The following EFR3B variants were observed in gnomAD, a reference collection of about 807,000 sequenced individuals.
The protein encoded by EFR3B is protein EFR3 homolog B.
Under a neutral mutation model 104.7 loss-of-function variants are expected in EFR3B, and 64 were observed. That is an observed-to-expected ratio of 0.61 (90% CI 0.50 to 0.75). EFR3B has a LOEUF of 0.75. Among genes scored for constraint, EFR3B ranks in the 30% least tolerant of loss-of-function variants. The probability of loss-of-function intolerance (pLI) is 0.00; values close to 1 mark genes in which losing one functional copy is unlikely to be tolerated. For synonymous variants in EFR3B, 385 were observed against 417.9 expected (o/e 0.92, Z 0.96); for missense variants, 750 against 1,078.5 (o/e 0.70, Z 4.27).
Position 25,048,631 on chromosome 2 carries a change from C to T in EFR3B, c.7+6312C>T, listed in dbSNP as rs550040580. On this transcript the variant is annotated intron_variant, in intron 1 of 22. Transcript: ENST00000403714. ...CCAGGTGCCGAGGGCACGAGCTGTT[C>T]CAGTATAATACAATATATAAAATAA... Among the ~76,000 whole-genome samples the T allele has an allele frequency of 1.0e-3, 156 of 151,972 alleles. 1 individual carries two copies. The highest frequency in any genetic ancestry group is 3.7e-3 in the African/African-American group (153 of 41,422).
At chr2:25,060,958 C>CA (rs1234560703) in intron 1 of EFR3B, among the ~76,000 whole-genome samples, 17 of 138,386 alleles carry the variant, frequency 1.2e-4, no homozygotes, top group Non-Finnish European at 1.6e-4. Context: ...CAACAAAAAC[C>CA]AAAAAACTAG....
intron 1 of EFR3B, among the ~76,000 whole-genome samples, chr2:25,062,371 G>T (rs190767030): frequency 6.6e-6 from 1 of 152,344 alleles, no homozygotes; most frequent in African/African-American, 2.4e-5. Flanking sequence ...TTACACAAGT[G>T]TAAAAGCAGT....
At chr2:25,127,627 TG>T (rs1453992961) in intron 5 of EFR3B, among the ~76,000 whole-genome samples, 1 of 152,180 alleles carries the variant, frequency 6.6e-6, no homozygotes, top group Non-Finnish European at 1.5e-5. Context: ...CCCACAGAGC[TG>T]TGCTGACCCT....
At chr2:25,082,774 C>T (rs488105) in intron 1 of EFR3B, among the ~76,000 whole-genome samples, 5 of 152,210 alleles carry the variant, frequency 3.3e-5, no homozygotes, top group African/African-American at 1.2e-4. Context: ...AGCTTACCTT[C>T]GAGTGGGGAG....
chr2:25,106,883 C>A (rs1243213287), intron 4 of EFR3B, among the ~76,000 whole-genome samples: 4 of 152,142 alleles, frequency 2.6e-5, no homozygotes, highest in African/African-American at 9.7e-5. Context: ...CACGCCCGGT[C>A]CTTTCCATTG....
chr2:25,126,548 C>T (rs1043117710), intron 5 of EFR3B, among the ~76,000 whole-genome samples: 4 of 151,974 alleles, frequency 2.6e-5, no homozygotes, highest in African/African-American at 4.8e-5. Flanking sequence ...TTAGTAGAGA[C>T]GGGGTTTCAC....
chr2:25,046,039 C>T (rs143449477), intron 1 of EFR3B, among the ~76,000 whole-genome samples: 2 of 152,262 alleles, frequency 1.3e-5, no homozygotes, highest in African/African-American at 2.4e-5. Context: ...CCTCTCGTCC[C>T]GCTTAGTGGT....
intron 3 of EFR3B, among the ~76,000 whole-genome samples, chr2:25,094,598 T>G (rs1016210988): frequency 1.3e-5 from 2 of 152,162 alleles, no homozygotes; most frequent in African/African-American, 4.8e-5. Flanking sequence ...ATTTCCAGTA[T>G]TAACCAATAG....
chr2:25,143,998 T>G (rs1670749184), intron 18 of EFR3B, 136 bp downstream of exon 18: 7 of 1,263,264 alleles, frequency 5.5e-6, no homozygotes, highest in Non-Finnish European at 7.4e-6. Flanking sequence ...AAAGACACAG[T>G]GGAAATTTAT....
In EFR3B at chr2:25,137,502, G is replaced by A. The variant is rs1219213885; in HGVS notation, c.1722G>A (p.Gln574=). The A allele has an allele frequency of 6.4e-7, 1 of 1,551,624 alleles. No homozygotes were observed. The highest frequency in any genetic ancestry group is 1.4e-5 in the African/African-American group (1 of 73,040). ...TCATCCGTCTGGTGCTGGCTGTTCA[G>A]GTGGGGCCTGGTGTGCGCAGGGCAT... ...VDLIRLVLAV[Q]DVAQVNEENL... The change falls in exon 15 of 23, where the codon CAG becomes CAA. Residue 574 remains glutamine, a splice_region_variant and synonymous_variant. Transcript: ENST00000403714. This position sits in a 1 kb window ranked among gnomAD's most constrained non-coding sequence, Gnocchi z 4.7.
intron 1 of EFR3B, among the ~76,000 whole-genome samples, chr2:25,049,290 C>T (rs1325340541): frequency 1.3e-5 from 2 of 152,114 alleles, no homozygotes; most frequent in South Asian, 2.1e-4. Flanking sequence ...GTTAGTAAAT[C>T]GTCATGGGAG....
chr2:25,137,508 G>T lies in EFR3B; in HGVS notation c.1722+6G>T. 6.4e-7 allele frequency: 1 copy of T among 1,551,716 alleles called. No individual in the cohort carries two copies. Among genetic ancestry groups the T allele is most frequent in the Non-Finnish European group, 8.7e-7 (1 of 1,146,986 alleles). ...GTCTGGTGCTGGCTGTTCAGGTGGG[G>T]CCTGGTGTGCGCAGGGCATGGGGCT... is the stretch of plus-strand genomic sequence containing the variant. On this transcript the variant is annotated splice_donor_region_variant and intron_variant, in intron 15 of 22. Coordinates refer to ENST00000403714, the MANE Select transcript of EFR3B (RefSeq NM_014971.2). The surrounding 1 kb of genome is among the most constrained non-coding windows in gnomAD (Gnocchi z 4.7).
chr2:25,127,189 C>T (rs1670190214), intron 5 of EFR3B, among the ~76,000 whole-genome samples: 1 of 100,468 alleles, frequency 1.0e-5, no homozygotes. Flanking sequence ...CAGACTCCAC[C>T]TCAAAAAAAA....
chr2:25,051,317 G>A (rs192758139), intron 1 of EFR3B, among the ~76,000 whole-genome samples: 159 of 152,112 alleles, frequency 1.0e-3, no homozygotes, highest in Non-Finnish European at 1.8e-3. Flanking sequence ...GTTTCACCCT[G>A]TTGGCCAGGC....
intron 4 of EFR3B, among the ~76,000 whole-genome samples, chr2:25,113,055 AG>A (rs1193565871): frequency 6.6e-6 from 1 of 152,102 alleles, no homozygotes; most frequent in East Asian, 1.9e-4. Context: ...CCTATACTAC[AG>A]GGTGGGTGAT....
At chr2:25,073,943 C>T (rs1239344291) in intron 1 of EFR3B, among the ~76,000 whole-genome samples, 1 of 152,152 alleles carries the variant, frequency 6.6e-6, no homozygotes, top group African/African-American at 2.4e-5. Context: ...TGAGAAACAT[C>T]AGTATACCCA....
chr2:25,055,764 T>C (rs1373519411), intron 1 of EFR3B, among the ~76,000 whole-genome samples: 2 of 99,454 alleles, frequency 2.0e-5, no homozygotes, highest in East Asian at 5.5e-4. Flanking sequence ...ACCTTATAGC[T>C]GCTCACAGCG....
chr2:25,095,850 A>G (rs1371426816), intron 3 of EFR3B, among the ~76,000 whole-genome samples: 1 of 152,202 alleles, frequency 6.6e-6, no homozygotes, highest in Non-Finnish European at 1.5e-5. Flanking sequence ...TCCACAATAA[A>G]AAACATGAAC....
In EFR3B at chr2:25,133,364, T is replaced by G; in HGVS notation, c.1260-19T>G. Reference sequence around the variant, plus strand: ...GCCCTATTACCATCCTGGTGAGTGTTTGTGTCTCTGGTCTACAGGGAGAAT... The same window carrying G: ...GCCCTATTACCATCCTGGTGAGTGTGTGTGTCTCTGGTCTACAGGGAGAAT... On this transcript the variant is annotated intron_variant, in intron 11 of 22. Coordinates refer to ENST00000403714, the MANE Select transcript of EFR3B (RefSeq NM_014971.2). 1 of 1,552,288 alleles carries G rather than the reference T, an allele frequency of 6.4e-7. No individual in the cohort carries two copies. Among genetic ancestry groups the G allele is most frequent in the Non-Finnish European group, 8.7e-7 (1 of 1,147,084 alleles).
Sources: gnomAD v4.1 joint callset for allele counts (sites outside exome capture counted in the v4.1 genomes callset) on GRCh38, gnomAD v4.1.1 for gene constraint, Gnocchi (gnomAD v3.1) non-coding constraint, MANE v1.5 for transcripts, NCBI Gene and HGNC (gene_info 2026-07-23, HGNC 2026-07-21) for gene names.